Variants in VPS13B observed in about 807,000 individuals in gnomAD.
VPS13B encodes intermembrane lipid transfer protein VPS13B.
In VPS13B, 285 loss-of-function variants were observed where a neutral mutation model predicts 426.4. The ratio of observed to expected loss-of-function variants is 0.67; its 90% CI spans 0.61 to 0.74. The LOEUF is 0.74. Among genes scored for constraint, VPS13B ranks in the 30% least tolerant of loss-of-function variants. The pLI is 0.00. For synonymous variants in VPS13B, 1,676 were observed against 1,676.4 expected, an observed-to-expected ratio of 1.00 and a Z score of 0.01; for missense variants, 4,537 against 4,782.6, an observed-to-expected ratio of 0.95 and a Z score of 1.51.
At chr8:99,628,951 G>A (rs1176119592) in intron 33 of VPS13B, among the ~76,000 whole-genome samples, 1 of 151,934 alleles carries the variant, frequency 6.6e-6, no homozygotes, top group African/African-American at 2.4e-5. Flanking sequence ...TTTTTGTAGT[G>A]ACGGGATCAT....
rs569087720 is a variant in VPS13B, at chr8:99,696,949, G to A, written c.6047-2576G>A. ...CAATGATAAGCTGATTGCTGAGGAG[G>A]GGTGGACAACCTGAACGTCAAGGGG... On this transcript the variant is annotated intron_variant, in intron 35 of 61. Transcript: ENST00000357162. The A allele has an allele frequency of 1.3e-5, 9 of 676,928 alleles. No individual in the cohort carries two copies. In the South Asian group the frequency reaches 1.4e-4, roughly 10 times the overall value. The allele number at this position is 676,928 out of a possible 1,614,324, so 41.9% of individuals were successfully genotyped here.
chr8:99,333,942 C>T (rs1810680832), intron 19 of VPS13B, among the ~76,000 whole-genome samples: 1 of 151,914 alleles, frequency 6.6e-6, no homozygotes, highest in Non-Finnish European at 1.5e-5. Flanking sequence ...TGTATGGATA[C>T]AGTACAGTTT....
intron 2 of VPS13B, among the ~76,000 whole-genome samples, chr8:99,023,942 T>C (rs895256027): frequency 2.6e-5 from 4 of 152,248 alleles, no homozygotes; most frequent in African/African-American, 9.6e-5. Flanking sequence ...TGCTGGATTA[T>C]ATCTAGTTCT....
intron 25 of VPS13B, among the ~76,000 whole-genome samples, chr8:99,482,282 C>T (rs1040631824): frequency 6.6e-6 from 1 of 152,084 alleles, no homozygotes; most frequent in Non-Finnish European, 1.5e-5. Flanking sequence ...ACGTCCTAAC[C>T]TAGCATGCCA....
chr8:99,386,536 T>C lies in VPS13B; in HGVS notation c.2934+2219T>C, dbSNP rs186186211. ...ACCTTAGGCAATTGTAACACAAAGG[T>C]AAGTATTTGTATATCTAAACATAGA... On this transcript the variant is annotated intron_variant, in intron 20 of 61. Transcript: ENST00000357162. 1.1e-4 allele frequency among the ~76,000 whole-genome samples: 17 copies of C among 152,288 alleles called. No homozygotes were observed. In the East Asian group the frequency reaches 3.3e-3, roughly 29 times the overall value.
chr8:99,295,402 T>C (rs1436543405), intron 19 of VPS13B, among the ~76,000 whole-genome samples: 1 of 152,336 alleles, frequency 6.6e-6, no homozygotes, highest in East Asian at 1.9e-4. Context: ...GGTCAGAAAC[T>C]GTGTTCAAAT....
intron 19 of VPS13B, among the ~76,000 whole-genome samples, chr8:99,360,965 A>G (rs997224707): frequency 4.6e-5 from 7 of 152,160 alleles, no homozygotes; most frequent in African/African-American, 1.4e-4. Context: ...ATCACTCTCA[A>G]TCCGTTCTTT....
At chr8:99,372,208 C>T (rs567532662) in intron 19 of VPS13B, among the ~76,000 whole-genome samples, 6 of 149,188 alleles carry the variant, frequency 4.0e-5, no homozygotes, top group Non-Finnish European at 5.9e-5. Flanking sequence ...GCCGAGATTG[C>T]GCCACTGCAC....
chr8:99,189,773 T>A (rs1444973129), intron 16 of VPS13B, among the ~76,000 whole-genome samples: 1 of 152,212 alleles, frequency 6.6e-6, no homozygotes, highest in Non-Finnish European at 1.5e-5. Context: ...TATTTGGAGA[T>A]TTATACATAA....
At chr8:99,870,051 C>T (rs902299314) in intron 59 of VPS13B, among the ~76,000 whole-genome samples, 1 of 152,196 alleles carries the variant, frequency 6.6e-6, no homozygotes, top group African/African-American at 2.4e-5. Flanking sequence ...CGGATTAAGT[C>T]GCTTAGCATT....
intron 23 of VPS13B, among the ~76,000 whole-genome samples, chr8:99,446,505 CT>C (rs1395073459): frequency 1.3e-5 from 2 of 152,062 alleles, no homozygotes; most frequent in Non-Finnish European, 2.9e-5. Flanking sequence ...ATTGCCTTTA[CT>C]TTTTTTCTTT....
In VPS13B at chr8:99,096,359, T is replaced by G. The variant is rs200619753; in HGVS notation, c.339T>G (p.Ala113=). ...CTAATTCTACCAACCGTAGTACTGC[T>G]GAGAGCACAAAATCATCAATCAAAC... ...CGSNSTNRST[A]ESTKSSIKPR... The change falls in exon 4 of 62, where the codon GCT becomes GCG. Residue 113 remains alanine (A), a synonymous_variant. Coordinates refer to ENST00000357162, the MANE Select transcript of VPS13B (RefSeq NM_152564.5). 5 of 1,614,036 alleles carry G rather than the reference T, an allele frequency of 3.1e-6. No homozygotes were observed. Among genetic ancestry groups the G allele is most frequent in the Non-Finnish European group, 4.2e-6 (5 of 1,180,004 alleles).
At position 99,854,375 on chromosome 8, in the gene VPS13B, G is replaced by A; in HGVS notation, c.10867+119G>A. On this transcript the variant is annotated intron_variant, in intron 56 of 61. Transcript: ENST00000357162. ...AATTGGCAAGAGGTGACACACCTGA[G>A]CTCTACAGTTACACAGAACTGGATC... 3 of 1,120,962 alleles carry A rather than the reference G, an allele frequency of 2.7e-6. No homozygotes were observed. The East Asian group carries it at 7.7e-5, about 29-fold the overall frequency. The allele number at this position is 1,120,962 out of a possible 1,614,324, so 69.4% of individuals were successfully genotyped here.
At chr8:99,366,529 G>GTTTTTTTTTT (rs74203765) in intron 19 of VPS13B, among the ~76,000 whole-genome samples, 2 of 128,474 alleles carry the variant, frequency 1.6e-5, no homozygotes, top group Non-Finnish European at 1.7e-5. Flanking sequence ...GTTTTTTTTT[G>GTTTTTTTTTT]TTTTTTTTTT....
chr8:99,032,653 C>G (rs935087967), intron 2 of VPS13B, among the ~76,000 whole-genome samples: 1 of 151,276 alleles, frequency 6.6e-6, no homozygotes, highest in African/African-American at 2.4e-5. Flanking sequence ...CCTCAGCCTC[C>G]CGAGTAGCTG....
intron 19 of VPS13B, among the ~76,000 whole-genome samples, chr8:99,323,643 G>A (rs1344755172): frequency 1.3e-5 from 2 of 152,172 alleles, no homozygotes; most frequent in African/African-American, 2.4e-5. Flanking sequence ...GTAATAGAGA[G>A]TTTAGTTAAG....
intron 36 of VPS13B, among the ~76,000 whole-genome samples, chr8:99,704,714 A>C (rs1428166855): frequency 1.3e-5 from 2 of 152,152 alleles, no homozygotes; most frequent in African/African-American, 4.8e-5. Flanking sequence ...AACCTTAATG[A>C]ATATTGGGTG....
At chr8:99,859,897 T>C (rs1376250924) in intron 57 of VPS13B, among the ~76,000 whole-genome samples, 1 of 152,210 alleles carries the variant, frequency 6.6e-6, no homozygotes, top group African/African-American at 2.4e-5. Flanking sequence ...CATTCTGACA[T>C]GGAAGCGGAT....
At chr8:99,792,074 C>T (rs1812566510) in intron 43 of VPS13B, among the ~76,000 whole-genome samples, 1 of 152,042 alleles carries the variant, frequency 6.6e-6, no homozygotes, top group Non-Finnish European at 1.5e-5. Context: ...CAGTTTGTAC[C>T]CAAGGCTTAA....
Sources: gnomAD v4.1 joint callset for allele counts (sites outside exome capture counted in the v4.1 genomes callset) on GRCh38, gnomAD v4.1.1 for gene constraint, MANE v1.5 for transcripts, NCBI Gene and HGNC (gene_info 2026-07-23, HGNC 2026-07-21) for gene names.